Variants in HERC4 observed in about 807,000 individuals in gnomAD.
The protein encoded by HERC4 is probable E3 ubiquitin-protein ligase HERC4.
Under a neutral mutation model 124.3 loss-of-function variants are expected in HERC4, and 28 were observed. The ratio of observed to expected loss-of-function variants is 0.23; its 90% CI spans 0.17 to 0.31. The LOEUF is 0.31. Ranked by LOEUF, HERC4 falls within the 10% of genes least tolerant of loss-of-function variation. HERC4 has a pLI of 1.00. For missense variants in HERC4, 713 were observed against 1,229.3 expected, an observed-to-expected ratio of 0.58 and a Z score of 6.28; for synonymous variants, 407 against 421.5, an observed-to-expected ratio of 0.97 and a Z score of 0.42.
intron 10 of HERC4, 29 bp from the exon 11 acceptor site, chr10:67,992,352 G>T: frequency 6.2e-7 from 1 of 1,607,902 alleles, no homozygotes; most frequent in Non-Finnish European, 8.5e-7. Context: ...TTAGTCAGAG[G>T]GAAGAGATAT....
At chr10:67,923,499 T>C (rs1407163602) in intron 24 of HERC4, among the ~76,000 whole-genome samples, 5 of 152,200 alleles carry the variant, frequency 3.3e-5, no homozygotes, top group Non-Finnish European at 7.4e-5. Context: ...TTTCTTTTTC[T>C]ATTTGCTTCG....
In HERC4 at chr10:68,003,906, A is replaced by G. The variant is rs1247035614; in HGVS notation, c.1069+10120T>C. ...TGGATCATCTGATAGTTCTATTTTC[A>G]GTTTTTTTAAGGAATCTCCATACTG... is the stretch of plus-strand genomic sequence containing the variant. On this transcript the variant is annotated intron_variant, in intron 9 of 24. Coordinates refer to ENST00000373700, the MANE Select transcript of HERC4 (RefSeq NM_015601.4). Among the ~76,000 whole-genome samples, 5 of 152,196 alleles carry G rather than the reference A, an allele frequency of 3.3e-5. No homozygotes were observed. The East Asian group carries it at 9.7e-4, about 29-fold the overall frequency.
At chr10:68,012,428 A>G (rs2038014492) in intron 9 of HERC4, among the ~76,000 whole-genome samples, 1 of 152,204 alleles carries the variant, frequency 6.6e-6, no homozygotes, top group Non-Finnish European at 1.5e-5. Context: ...CTTTTCACTT[A>G]TGTACTTAGA....
At chr10:67,938,690 A>G (rs2032601903) in intron 21 of HERC4, among the ~76,000 whole-genome samples, 1 of 152,112 alleles carries the variant, frequency 6.6e-6, no homozygotes, top group African/African-American at 2.4e-5. Context: ...TCATGCCTGT[A>G]ATGCCAGCAC....
intron 19 of HERC4, 93 bp from the exon 20 acceptor site, chr10:67,941,198 G>A: frequency 1.2e-6 from 1 of 857,730 alleles, no homozygotes; most frequent in Non-Finnish European, 1.7e-6. Flanking sequence ...CAATTTTGAA[G>A]ATAGAGAAAA....
chr10:67,968,056 C>T (rs892786553), intron 15 of HERC4, among the ~76,000 whole-genome samples: 2 of 152,094 alleles, frequency 1.3e-5, no homozygotes, highest in Admixed American at 6.6e-5. Context: ...AACTACTGTA[C>T]TTAAAAACAC....
chr10:68,007,467 T>G (rs201656033), intron 9 of HERC4, among the ~76,000 whole-genome samples: 1 of 152,176 alleles, frequency 6.6e-6, no homozygotes. Context: ...AGTGCCTTAT[T>G]TCATTGGTTT....
chr10:67,953,577 G>A lies in HERC4; in HGVS notation c.2337+1018C>T, dbSNP rs115514036. ...TCCTTGAACAAAGATGGGACAATAT[G>A]AGCATCAATGAAGACAATAACTGCA... On this transcript the variant is annotated intron_variant, in intron 19 of 24. Coordinates refer to ENST00000373700, the MANE Select transcript of HERC4 (RefSeq NM_015601.4). Among the ~76,000 whole-genome samples the A allele has an allele frequency of 2.6e-3, 392 of 152,234 alleles. 2 individuals are homozygous for A. The highest frequency in any genetic ancestry group is 9.0e-3 in the African/African-American group (374 of 41,548).
intron 16 of HERC4, among the ~76,000 whole-genome samples, chr10:67,957,525 T>C (rs759763044): frequency 2.6e-5 from 4 of 152,324 alleles, no homozygotes; most frequent in Admixed American, 2.6e-4. Flanking sequence ...TCTATTATTA[T>C]CATTATTAGA....
At chr10:68,011,016 T>C (rs1257424413) in intron 9 of HERC4, among the ~76,000 whole-genome samples, 3 of 152,222 alleles carry the variant, frequency 2.0e-5, no homozygotes, top group African/African-American at 7.2e-5. Flanking sequence ...CAGTCATCCA[T>C]GAAGGTTGGA....
intron 9 of HERC4, chr10:68,010,081 T>C: frequency 3.2e-6 from 2 of 630,208 alleles, no homozygotes; most frequent in Non-Finnish European, 5.6e-6. Context: ...CCACCCTTTG[T>C]GTTCCCAATT....
chr10:68,052,500 A>G (rs1292198745), intron 3 of HERC4, among the ~76,000 whole-genome samples: 2 of 152,218 alleles, frequency 1.3e-5, no homozygotes, highest in Non-Finnish European at 2.9e-5. Flanking sequence ...TTTGCTTACG[A>G]ACTACATCAA....
intron 3 of HERC4, among the ~76,000 whole-genome samples, chr10:68,056,253 T>G (rs1207357457): frequency 5.3e-5 from 8 of 152,228 alleles, no homozygotes; most frequent in Admixed American, 5.2e-4. Flanking sequence ...TTTAAATTTT[T>G]CGCTCTAATG....
chr10:68,069,072 T>C (rs1245223826), intron 3 of HERC4: 1 of 983,974 alleles, frequency 1.0e-6, no homozygotes, highest in Non-Finnish European at 1.2e-6. Context: ...GTTTCTAACA[T>C]GAAACAAATG....
intron 8 of HERC4, among the ~76,000 whole-genome samples, chr10:68,014,839 G>A (rs1258673889): frequency 6.6e-6 from 1 of 152,112 alleles, no homozygotes; most frequent in Non-Finnish European, 1.5e-5. Context: ...AGGCAAGCAG[G>A]GAAGTATTTC....
At chr10:68,014,253 A>T in intron 8 of HERC4, 67 bp from the exon 9 acceptor site, 1 of 1,345,350 alleles carries the variant, frequency 7.4e-7, no homozygotes, top group Non-Finnish European at 9.9e-7. Context: ...TGACAAAAGC[A>T]GAGAAAATAT....
intron 15 of HERC4, among the ~76,000 whole-genome samples, chr10:67,978,383 G>T (rs2035726495): frequency 6.6e-6 from 1 of 152,258 alleles, no homozygotes; most frequent in Admixed American, 6.5e-5. Flanking sequence ...GTGTTCCTCT[G>T]CCTTTGCAAA....
At chr10:67,935,187 C>T (rs554830751) in intron 22 of HERC4, among the ~76,000 whole-genome samples, 1 of 151,554 alleles carries the variant, frequency 6.6e-6, no homozygotes, top group East Asian at 1.9e-4. Flanking sequence ...GCTCTGTCGC[C>T]CAGGCTGGAG....
intron 15 of HERC4, among the ~76,000 whole-genome samples, chr10:67,985,601 C>T (rs2036214094): frequency 6.6e-6 from 1 of 152,116 alleles, no homozygotes; most frequent in Non-Finnish European, 1.5e-5. Context: ...AAATATGTAG[C>T]GACTAGGCTA....
Sources: allele counts gnomAD v4.1 joint callset (sites outside exome capture counted in the v4.1 genomes callset), GRCh38; gene constraint gnomAD v4.1.1; transcripts MANE v1.5; gene names NCBI Gene and HGNC (gene_info 2026-07-23, HGNC 2026-07-21).